SHQ1: variants seen among roughly 807,000 people sequenced by gnomAD.
The protein encoded by SHQ1 is SHQ1, H/ACA ribonucleoprotein assembly factor, also known as protein SHQ1 homolog.
In SHQ1, 49 loss-of-function variants were observed where a neutral mutation model predicts 53.8. That is an observed-to-expected ratio of 0.91 (90% CI 0.72 to 1.16). The LOEUF is 1.16. Ranked by LOEUF, SHQ1 falls within the 50% of genes most tolerant of loss-of-function variation. SHQ1 has a pLI of 0.00. For missense variants in SHQ1, 738 were observed against 683.1 expected, an observed-to-expected ratio of 1.08 and a Z score of -0.90; for synonymous variants, 243 against 251.0, an observed-to-expected ratio of 0.97 and a Z score of 0.30.
chr3:72,834,953 C>A (rs1413306348), intron 4 of SHQ1, among the ~76,000 whole-genome samples: 1 of 152,088 alleles, frequency 6.6e-6, no homozygotes, highest in Non-Finnish European at 1.5e-5. Flanking sequence ...TTCTGGAAGT[C>A]AGAAGACCAA....
At chr3:72,835,951 A>G (rs1707978634) in intron 4 of SHQ1, among the ~76,000 whole-genome samples, 1 of 152,230 alleles carries the variant, frequency 6.6e-6, no homozygotes, top group African/African-American at 2.4e-5. Flanking sequence ...ATGTGTTTAC[A>G]TAATTACTGT....
chr3:72,782,167 A>T (rs930896033), intron 10 of SHQ1, among the ~76,000 whole-genome samples: 35 of 152,332 alleles, frequency 2.3e-4, no homozygotes, highest in African/African-American at 8.2e-4. Flanking sequence ...GAAACATGTA[A>T]TAGCTAATAT....
intron 9 of SHQ1, among the ~76,000 whole-genome samples, chr3:72,806,603 T>C (rs1035376984): frequency 2.0e-5 from 3 of 152,220 alleles, no homozygotes; most frequent in Admixed American, 2.0e-4. Flanking sequence ...AACTATCAAC[T>C]AGTTTTAGAG....
intron 4 of SHQ1, among the ~76,000 whole-genome samples, chr3:72,833,083 G>C (rs1171713525): frequency 6.6e-6 from 1 of 152,078 alleles, no homozygotes; most frequent in African/African-American, 2.4e-5. Flanking sequence ...TATTTCCTTT[G>C]AGTGCCATGT....
At chr3:72,733,586 C>G in the SHQ1 span, among the ~76,000 whole-genome samples, 1 of 151,536 alleles carries the variant, frequency 6.6e-6, no homozygotes, top group African/African-American at 2.4e-5. Context: ...AGGTGTCTCA[C>G]TTTATTCCCT....
At chr3:72,812,851 G>C in intron 8 of SHQ1, 57 bp from the exon 9 acceptor site, 2 of 1,597,688 alleles carry the variant, frequency 1.3e-6, no homozygotes, top group African/African-American at 1.3e-5. Context: ...ACAAACAAAA[G>C]TACACAATGA....
chr3:72,782,820 TATG>T (rs2106761835), intron 10 of SHQ1, among the ~76,000 whole-genome samples: 1 of 152,362 alleles, frequency 6.6e-6, no homozygotes, highest in Non-Finnish European at 1.5e-5. Context: ...ACTTTCTAAG[TATG>T]ATAACCACAC....
chr3:72,762,099 GCA>G (rs1213330192), intron 10 of SHQ1, among the ~76,000 whole-genome samples: 6 of 151,954 alleles, frequency 3.9e-5, no homozygotes, highest in Non-Finnish European at 8.8e-5. Context: ...ACATACATGT[GCA>G]CACACATGCC....
chr3:72,767,152 G>A (rs1292645932), intron 10 of SHQ1, among the ~76,000 whole-genome samples: 2 of 152,160 alleles, frequency 1.3e-5, no homozygotes, highest in East Asian at 1.9e-4. Flanking sequence ...AGACTTGAGG[G>A]CTTCCAAATT....
chr3:72,817,456 A>G (rs1025243331), intron 6 of SHQ1, 72 bp from the exon 7 acceptor site: 6 of 1,383,884 alleles, frequency 4.3e-6, no homozygotes, highest in Admixed American at 2.4e-5. Flanking sequence ...AGATTTGTCA[A>G]AATTAGAACT....
At chr3:72,725,516 G>A in the SHQ1 span, among the ~76,000 whole-genome samples, 23 of 152,168 alleles carry the variant, frequency 1.5e-4, 1 homozygote, top group East Asian at 4.2e-3. Flanking sequence ...TCCTGGAGTT[G>A]CCCCCACCCC....
rs76238466 is a variant in SHQ1, at chr3:72,770,780, A to G, written c.1182-19944T>C. Among the ~76,000 whole-genome samples the G allele has an allele frequency of 4.6e-3, 699 of 152,312 alleles. 4 individuals carry two copies. The highest frequency in any genetic ancestry group is 0.016 in the African/African-American group (647 of 41,562). On this transcript the variant is annotated intron_variant, in intron 10 of 10. Coordinates refer to ENST00000325599, the MANE Select transcript of SHQ1 (RefSeq NM_018130.3). ...TGTGTCTTCCTTAACTTTTGAAAAG[A>G]AGGAGGAAAGTGATGAAACCATAGA...
At chr3:72,774,185 T>C (rs1705909750) in intron 10 of SHQ1, among the ~76,000 whole-genome samples, 1 of 152,052 alleles carries the variant, frequency 6.6e-6, no homozygotes, top group Non-Finnish European at 1.5e-5. Context: ...CCTCAAAATA[T>C]AAAGTAAAAA....
At chr3:72,785,329 T>C (rs553376464) in intron 10 of SHQ1, among the ~76,000 whole-genome samples, 70 of 152,268 alleles carry the variant, frequency 4.6e-4, no homozygotes, top group African/African-American at 1.7e-3. Flanking sequence ...TCTGAGTGAG[T>C]TTCTCTTATG....
At chr3:72,817,813 A>T (rs1707365763) in intron 6 of SHQ1, among the ~76,000 whole-genome samples, 1 of 152,210 alleles carries the variant, frequency 6.6e-6, no homozygotes, top group African/African-American at 2.4e-5. Context: ...TAATCAATTA[A>T]AATTGTTAAA....
At chr3:72,764,010 GAA>G (rs77924186) in intron 10 of SHQ1, among the ~76,000 whole-genome samples, 1 of 140,438 alleles carries the variant, frequency 7.1e-6, no homozygotes. Flanking sequence ...TTTACAAATG[GAA>G]AAAAAAAAAA....
At chr3:72,768,317 T>C (rs964825811) in intron 10 of SHQ1, among the ~76,000 whole-genome samples, 1 of 152,186 alleles carries the variant, frequency 6.6e-6, no homozygotes, top group African/African-American at 2.4e-5. Context: ...TCTTCTTTCC[T>C]AGTGCTCCCG....
intron 9 of SHQ1, among the ~76,000 whole-genome samples, chr3:72,798,469 G>A (rs915407280): frequency 2.6e-5 from 4 of 152,208 alleles, no homozygotes; most frequent in South Asian, 2.1e-4. Flanking sequence ...ACAGAGAAAC[G>A]TAATGACAAG....
At chr3:72,802,309 A>G (rs1397134363) in intron 9 of SHQ1, among the ~76,000 whole-genome samples, 3 of 152,168 alleles carry the variant, frequency 2.0e-5, no homozygotes, top group Non-Finnish European at 4.4e-5. Context: ...CTAGGCAAGA[A>G]TAGGTCTCCT....
Sources: allele counts gnomAD v4.1 joint callset (sites outside exome capture counted in the v4.1 genomes callset), GRCh38; gene constraint gnomAD v4.1.1; transcripts MANE v1.5; gene names NCBI Gene and HGNC (gene_info 2026-07-23, HGNC 2026-07-21).